PMS1: variants seen among roughly 807,000 people sequenced by gnomAD.
PMS1 encodes PMS1 protein homolog 1.
In PMS1, 79 loss-of-function variants were observed where a neutral mutation model predicts 93.1. The ratio of observed to expected loss-of-function variants is 0.85; its 90% CI spans 0.71 to 1.02. The LOEUF (loss-of-function observed/expected upper bound fraction) is 1.02, where lower values mean the gene tolerates loss of function less well. Ranked by LOEUF, PMS1 falls within the 50% of genes least tolerant of loss-of-function variation. The probability of loss-of-function intolerance (pLI) is 0.00; values close to 1 mark genes in which losing one functional copy is unlikely to be tolerated. For missense variants in PMS1, 1,064 were observed against 1,085.3 expected (o/e 0.98, Z 0.28); for synonymous variants, 335 against 363.4 (o/e 0.92, Z 0.89).
chr2:189,819,589 T>C (rs1245212296), intron 5 of PMS1, among the ~76,000 whole-genome samples: 2 of 152,236 alleles, frequency 1.3e-5, no homozygotes, highest in Non-Finnish European at 2.9e-5. Flanking sequence ...TAAGGCAAGA[T>C]GATATCTCAT....
chr2:189,861,115 G>T (rs570403270), intron 9 of PMS1, among the ~76,000 whole-genome samples: 7 of 151,880 alleles, frequency 4.6e-5, no homozygotes, highest in East Asian at 1.9e-4. Flanking sequence ...GTTTGTCCTA[G>T]CTCTATTTTG....
chr2:189,787,717 A>T (rs1224367336), intron 1 of PMS1, among the ~76,000 whole-genome samples: 1 of 152,188 alleles, frequency 6.6e-6, no homozygotes, highest in African/African-American at 2.4e-5. Context: ...CAGGCTCTGA[A>T]ATCACGCTAC....
At chr2:189,828,145 C>T (rs1346858851) in intron 5 of PMS1, among the ~76,000 whole-genome samples, 1 of 152,044 alleles carries the variant, frequency 6.6e-6, no homozygotes, top group Non-Finnish European at 1.5e-5. Flanking sequence ...AGGATGGTCT[C>T]GATCTCCTGA....
intron 11 of PMS1, among the ~76,000 whole-genome samples, chr2:189,869,498 G>A (rs1159516765): frequency 6.6e-6 from 1 of 152,094 alleles, no homozygotes; most frequent in African/African-American, 2.4e-5. Context: ...TGGCGTTGGT[G>A]GCAGGTACTG....
chr2:189,808,267 TA>T (rs1271918857), intron 4 of PMS1, among the ~76,000 whole-genome samples: 1 of 152,170 alleles, frequency 6.6e-6, no homozygotes, highest in African/African-American at 2.4e-5. Context: ...GGGAACAACT[TA>T]CAACATAATT....
intron 6 of PMS1, among the ~76,000 whole-genome samples, chr2:189,847,133 C>A (rs1043785079): frequency 7.9e-5 from 12 of 151,744 alleles, no homozygotes; most frequent in African/African-American, 2.7e-4. Context: ...GCGCCCATTT[C>A]TTTTTTTCTA....
intron 12 of PMS1, among the ~76,000 whole-genome samples, chr2:189,874,973 C>T (rs528381115): frequency 1.3e-5 from 2 of 151,634 alleles, no homozygotes; most frequent in South Asian, 4.2e-4. Context: ...TTTGCTAATA[C>T]TTTACCTTTC....
At chr2:189,815,603 A>T (rs1169112896) in intron 4 of PMS1, among the ~76,000 whole-genome samples, 2 of 152,152 alleles carry the variant, frequency 1.3e-5, no homozygotes, top group African/African-American at 4.8e-5. Flanking sequence ...GAATTTCCTG[A>T]GGCCTCCCAG....
intron 4 of PMS1, among the ~76,000 whole-genome samples, chr2:189,812,530 A>G (rs1460295793): frequency 4.6e-5 from 7 of 152,218 alleles, no homozygotes; most frequent in Admixed American, 4.6e-4. Flanking sequence ...TGTGGAAAAA[A>G]TGGAAAGACG....
intron 9 of PMS1, among the ~76,000 whole-genome samples, chr2:189,860,290 A>T (rs2055818542): frequency 6.6e-6 from 1 of 152,200 alleles, no homozygotes; most frequent in Admixed American, 6.5e-5. Flanking sequence ...TGGTTTTGCC[A>T]GTACTTGAAC....
intron 10 of PMS1, among the ~76,000 whole-genome samples, chr2:189,866,045 A>G (rs988485463): frequency 6.6e-6 from 1 of 152,232 alleles, no homozygotes; most frequent in Non-Finnish European, 1.5e-5. Flanking sequence ...AGTATGTTTC[A>G]TAGTATTCTC....
chr2:189,853,140 A>T (rs533563076), intron 7 of PMS1, among the ~76,000 whole-genome samples: 1 of 151,378 alleles, frequency 6.6e-6, no homozygotes, highest in Non-Finnish European at 1.5e-5. Flanking sequence ...TGCAACCTCC[A>T]TCTCCTGGGT....
chr2:189,851,130 T>G (rs1175394748), intron 6 of PMS1, among the ~76,000 whole-genome samples: 1 of 152,192 alleles, frequency 6.6e-6, no homozygotes, highest in African/African-American at 2.4e-5. Context: ...GTCTACTGTT[T>G]TATTTTACTT....
intron 5 of PMS1, among the ~76,000 whole-genome samples, chr2:189,828,736 T>C (rs1387609852): frequency 6.6e-6 from 1 of 152,158 alleles, no homozygotes; most frequent in East Asian, 1.9e-4. Context: ...ATGCCCAAAC[T>C]TAGCTTTTCA....
chr2:189,820,493 G>C (rs1357945173), intron 5 of PMS1, among the ~76,000 whole-genome samples: 2 of 151,832 alleles, frequency 1.3e-5, no homozygotes, highest in Admixed American at 1.3e-4. Flanking sequence ...GGGATATGGG[G>C]GGTCTCCCTA....
intron 3 of PMS1, among the ~76,000 whole-genome samples, chr2:189,797,786 T>C (rs1037908740): frequency 6.6e-6 from 1 of 152,196 alleles, no homozygotes; most frequent in African/African-American, 2.4e-5. Flanking sequence ...AATAATGATA[T>C]ATTCTCTAGG....
At chr2:189,799,113 T>G (rs1038932522) in intron 3 of PMS1, among the ~76,000 whole-genome samples, 1 of 152,244 alleles carries the variant, frequency 6.6e-6, no homozygotes, top group East Asian at 1.9e-4. Flanking sequence ...TGTCTTTGTT[T>G]TATTTTGAGG....
At chr2:189,853,856 A>G (rs558462887) in intron 7 of PMS1, 83 bp from the exon 8 acceptor site, 368 of 858,212 alleles carry the variant, frequency 4.3e-4, no homozygotes, top group African/African-American at 1.1e-3. Flanking sequence ...CATCTACTCA[A>G]TTTCTCAGTT....
chr2:189,803,784 C>T (rs1575073236), intron 3 of PMS1, among the ~76,000 whole-genome samples: 1 of 152,204 alleles, frequency 6.6e-6, no homozygotes, highest in Non-Finnish European at 1.5e-5. Flanking sequence ...TTATGCTTTA[C>T]TGTCTTTAGC....
Sources: allele counts gnomAD v4.1 joint callset (sites outside exome capture counted in the v4.1 genomes callset), GRCh38; gene constraint gnomAD v4.1.1; transcripts MANE v1.5; gene names NCBI Gene and HGNC (gene_info 2026-07-23, HGNC 2026-07-21).